ZNF624: variants seen among roughly 807,000 people sequenced by gnomAD.
The protein encoded by ZNF624 is zinc finger protein 624.
In ZNF624, 43 loss-of-function variants were observed where a neutral mutation model predicts 74.7. That is an observed-to-expected ratio of 0.58 (90% CI 0.45 to 0.74). The LOEUF is 0.74. ZNF624 is among the 30% of genes least tolerant of loss of function. The pLI is 0.00. For missense variants in ZNF624, 820 were observed against 1,030.0 expected (o/e 0.80, Z 2.79); for synonymous variants, 331 against 341.3 (o/e 0.97, Z 0.33).
chr17:16,647,239 A>G (rs1909614590), intron 3 of ZNF624, 90 bp downstream of exon 3: 1 of 1,107,438 alleles, frequency 9.0e-7, no homozygotes, highest in Non-Finnish European at 1.4e-6. Flanking sequence ...AATCATTGTG[A>G]ACTTGCAATT....
At chr17:16,630,299 G>T (rs1239201730) in intron 5 of ZNF624, among the ~76,000 whole-genome samples, 1 of 150,840 alleles carries the variant, frequency 6.6e-6, no homozygotes, top group Non-Finnish European at 1.5e-5. Flanking sequence ...GCTATTGCTT[G>T]TAATCCCAGC....
chr17:16,617,269 C>T, downstream of ZNF624: 5 of 1,613,488 alleles, frequency 3.1e-6, no homozygotes, highest in East Asian at 2.2e-5. Context: ...ACTCCTACTT[C>T]GTGACCATCT....
intron 1 of ZNF624, among the ~76,000 whole-genome samples, chr17:16,649,989 A>C (rs1461803925): frequency 6.6e-6 from 1 of 152,140 alleles, no homozygotes; most frequent in Non-Finnish European, 1.5e-5. Flanking sequence ...TTCTCATTTT[A>C]TTTTCACATC....
intron 2 of ZNF624, 95 bp from the exon 3 acceptor site, chr17:16,647,489 G>T: frequency 9.9e-7 from 1 of 1,006,854 alleles, no homozygotes; most frequent in Non-Finnish European, 1.6e-6. Context: ...TGGATGCAGT[G>T]TATACAGGAT....
Position 16,624,204 on chromosome 17 carries a change from CTT to C in ZNF624, c.680_681del (p.Gln227ArgfsTer44). 1.2e-6 allele frequency: 2 copies of C among 1,614,114 alleles called. No homozygotes were observed. Among genetic ancestry groups the C allele is most frequent in the Non-Finnish European group, 8.5e-7 (1 of 1,180,030 alleles). On this transcript the variant is annotated frameshift_variant, in exon 6 of 6. Transcript: ENST00000311331. LOFTEE classifies it high-confidence loss of function. ...TEELHSRCQT[Q>X]EENFTENLNL... The stretch of plus-strand genomic sequence containing the variant: ...TTTAAATTCTCTGTGAAATTTTCCT[CTT>C]GTGTTTGGCATCTGCTGTGAAGCTC...
downstream of ZNF624, chr17:16,617,765 G>C: frequency 6.2e-7 from 1 of 1,608,500 alleles, no homozygotes; most frequent in Non-Finnish European, 8.5e-7. Flanking sequence ...CGAACTCCAC[G>C]AAGCCGTAGC....
chr17:16,623,574 G>C lies in ZNF624; in HGVS notation c.1312C>G (p.His438Asp), dbSNP rs1442337808. ...KSYLSVHQKT[H>D]TEEKPYQCNE... ...CACTGATATGGTTTCTCTTCAGTGTGGGTCTTCTGATGTACACTAAGATAT... is the reference window on the plus strand; with the variant it reads ...CACTGATATGGTTTCTCTTCAGTGTCGGTCTTCTGATGTACACTAAGATAT... The change falls in exon 6 of 6, where the codon CAC (histidine) becomes GAC (aspartate). Residue 438 changes from histidine to aspartate, a missense_variant. Coordinates refer to ENST00000311331, the MANE Select transcript of ZNF624 (RefSeq NM_020787.4). This position sits in a 1 kb window ranked among gnomAD's most constrained non-coding sequence, Gnocchi z 5.3. 2.7e-5 allele frequency: 43 copies of C among 1,610,692 alleles called. No individual in the cohort carries two copies. The highest frequency in any genetic ancestry group is 1.6e-4 in the Middle Eastern group (1 of 6,066).
chr17:16,616,864 G>A, downstream of ZNF624: 1 of 1,337,372 alleles, frequency 7.5e-7, no homozygotes, highest in South Asian at 1.4e-5. Context: ...CCTGGAACTC[G>A]ACCTGGACCT....
chr17:16,615,067 A>AG, the ZNF624 span, among the ~76,000 whole-genome samples: 5 of 152,140 alleles, frequency 3.3e-5, no homozygotes, highest in African/African-American at 1.2e-4. Context: ...TGGGGAATGG[A>AG]GAGTCATTGT....
At chr17:16,618,312 TCAAAAA>T (rs1395000408), downstream of ZNF624, among the ~76,000 whole-genome samples, 1 of 152,050 alleles carries the variant, frequency 6.6e-6, no homozygotes, top group Non-Finnish European at 1.5e-5. Flanking sequence ...AGGATCCAAC[TCAAAAA>T]CAAACAACAA....
At chr17:16,614,797 A>C in the ZNF624 span, among the ~76,000 whole-genome samples, 1 of 152,242 alleles carries the variant, frequency 6.6e-6, no homozygotes, top group Admixed American at 6.5e-5. Context: ...CCTATACAAA[A>C]TTTTGACAAA....
chr17:16,621,330 C>T lies in ZNF624; in HGVS notation c.*958G>A, dbSNP rs1420719685. On this transcript the variant is annotated 3_prime_UTR_variant, in exon 6 of 6. Coordinates refer to ENST00000311331, the MANE Select transcript of ZNF624 (RefSeq NM_020787.4). ...ACTTTGTTTGCAGTTGGGGCTTTGC[C>T]CCCCTCTACAAACAGTACTTCAACA... The T allele has an allele frequency of 6.6e-6, 1 of 152,220 alleles. No homozygotes were observed. The highest frequency in any genetic ancestry group is 1.5e-5 in the Non-Finnish European group (1 of 68,040). The allele number at this position is 152,220 out of a possible 1,614,324, so 9.4% of individuals were successfully genotyped here. A position where few individuals can be genotyped will look rare whatever the true frequency, so the allele number is the denominator to read the frequency against.
chr17:16,626,051 G>C lies in ZNF624; in HGVS notation c.377-1542C>G, dbSNP rs191723427. Reference sequence around the variant, plus strand: ...TGCAACCTCCACCTCCTGGGTTCAAGTGATTCTTGTGCTTCAGCTTCCGAA... The same window carrying C: ...TGCAACCTCCACCTCCTGGGTTCAACTGATTCTTGTGCTTCAGCTTCCGAA... On this transcript the variant is annotated intron_variant, in intron 5 of 5. Coordinates refer to ENST00000311331, the MANE Select transcript of ZNF624 (RefSeq NM_020787.4). Among the ~76,000 whole-genome samples the C allele has an allele frequency of 3.0e-3, 462 of 152,124 alleles. 5 individuals are homozygous for C. The highest frequency in any genetic ancestry group is 0.011 in the African/African-American group (438 of 41,492).
intron 3 of ZNF624, among the ~76,000 whole-genome samples, chr17:16,635,991 C>G (rs1273501585): frequency 1.3e-5 from 2 of 152,046 alleles, no homozygotes; most frequent in Admixed American, 6.6e-5. Context: ...TATTACTTCC[C>G]CCTAAAAGGA....
At chr17:16,643,175 G>GTATA (rs1362072411) in intron 3 of ZNF624, among the ~76,000 whole-genome samples, 1 of 152,094 alleles carries the variant, frequency 6.6e-6, no homozygotes, top group East Asian at 1.9e-4. Flanking sequence ...CCAACCCTAG[G>GTATA]TATATACCAA....
intron 3 of ZNF624, among the ~76,000 whole-genome samples, chr17:16,642,565 T>C (rs576827941): frequency 6.6e-6 from 1 of 152,218 alleles, no homozygotes; most frequent in East Asian, 1.9e-4. Flanking sequence ...ATAAAACTGT[T>C]AGAAGGAAAG....
downstream of ZNF624, among the ~76,000 whole-genome samples, chr17:16,620,382 C>T (rs192954951): frequency 1.3e-5 from 2 of 152,296 alleles, no homozygotes; most frequent in East Asian, 1.9e-4. Context: ...AAGCTTTACA[C>T]GGCCTCTTCC....
intron 5 of ZNF624, among the ~76,000 whole-genome samples, chr17:16,625,291 CTT>C (rs889977658): frequency 3.9e-5 from 6 of 152,012 alleles, no homozygotes; most frequent in African/African-American, 9.7e-5. Context: ...AAGCAATTCT[CTT>C]GTCTCAGCCT....
chr17:16,624,853 C>CAAAAAAAAAAAAAAAAAAAAAAA (rs59170659), intron 5 of ZNF624: 3 of 43,954 alleles, frequency 6.8e-5, no homozygotes, highest in African/African-American at 1.1e-4. Flanking sequence ...CCTGTCTCTA[C>CAAAAAAAAAAAAAAAAAAAAAAA]AAAAAAAAAA....
Sources: allele counts gnomAD v4.1 joint callset (sites outside exome capture counted in the v4.1 genomes callset), GRCh38; gene constraint gnomAD v4.1.1; non-coding constraint Gnocchi (gnomAD v3.1); transcripts MANE v1.5; gene names NCBI Gene and HGNC (gene_info 2026-07-23, HGNC 2026-07-21).